Variants in PCNT observed in about 807,000 individuals in gnomAD.
The protein encoded by PCNT is pericentrin, also known as kendrin.
In PCNT, 319 loss-of-function variants were observed where a neutral mutation model predicts 380.4. The ratio of observed to expected loss-of-function variants is 0.84; its 90% CI spans 0.77 to 0.92. PCNT has a LOEUF of 0.92. Ranked by LOEUF, PCNT falls within the 40% of genes least tolerant of loss-of-function variation. The pLI is 0.00. For missense variants in PCNT, 4,400 were observed against 4,255.3 expected, an observed-to-expected ratio of 1.03 and a Z score of -0.95; for synonymous variants, 1,845 against 1,735.2, an observed-to-expected ratio of 1.06 and a Z score of -1.57.
At position 46,381,991 on chromosome 21, in the gene PCNT, A is replaced by G. The variant is rs78213973; in HGVS notation, c.3312+151A>G. ...CATTCAGTGGCGGAAGCGCATTCAC[A>G]GTGTTGTAGATTCAGTGGCGGAAGC... On this transcript the variant is annotated intron_variant, in intron 16 of 46. Coordinates refer to ENST00000359568, the MANE Select transcript of PCNT (RefSeq NM_006031.6). 0.055 allele frequency: 42,652 copies of G among 771,766 alleles called. 2,753 individuals carry two copies. Among genetic ancestry groups the G allele is most frequent in the South Asian group, 0.11 (6,500 of 58,508 alleles). The allele number at this position is 771,766 out of a possible 1,614,324, so 47.8% of individuals were successfully genotyped here.
chr21:46,356,613 GAC>G (rs903113020), intron 12 of PCNT, among the ~76,000 whole-genome samples: 4 of 152,246 alleles, frequency 2.6e-5, no homozygotes, highest in Non-Finnish European at 4.4e-5. Context: ...GACCCTGGGT[GAC>G]ACATGTGTGC....
chr21:46,410,698 G>A lies in PCNT; in HGVS notation c.5116-491G>A, dbSNP rs538592664. ...TGCCTGGTGTCACCGAGTGGCAGTG[G>A]CAGAGACGCCTCATCACCAGCGTCA... On this transcript the variant is annotated intron_variant, in intron 27 of 46. Coordinates refer to ENST00000359568, the MANE Select transcript of PCNT (RefSeq NM_006031.6). Among the ~76,000 whole-genome samples the A allele has an allele frequency of 1.1e-3, 174 of 152,324 alleles. 1 individual carries two copies. Among genetic ancestry groups the A allele is most frequent in the Admixed American group, 2.4e-3 (36 of 15,304 alleles).
chr21:46,372,365 T>C (rs1042705789), intron 15 of PCNT, among the ~76,000 whole-genome samples: 2 of 151,416 alleles, frequency 1.3e-5, no homozygotes, highest in African/African-American at 4.9e-5. Context: ...ACACAGCACA[T>C]GTTCATACAG....
At position 46,412,060 on chromosome 21, in the gene PCNT, A is replaced by C; in HGVS notation, c.5987A>C (p.Asp1996Ala). Residue 1996 changes from aspartate to alanine, a missense_variant, in exon 28 of 47, where the codon GAC (aspartate) becomes GCC (alanine). Asp to Ala is a moderately radical substitution (Grantham distance 126, BLOSUM62 -2). Coordinates refer to ENST00000359568, the MANE Select transcript of PCNT (RefSeq NM_006031.6). ...GCTGCTTTGGAGCCGGTTGTCCCTGACCCACAGGTGGGCTCCCCCCGCGGG... is the reference window on the plus strand; with the variant it reads ...GCTGCTTTGGAGCCGGTTGTCCCTGCCCCACAGGTGGGCTCCCCCCGCGGG... ...HDAALEPVVP[D>A]PQGDLQPVLV... 2 of 1,606,486 alleles carry C rather than the reference A, an allele frequency of 1.2e-6. No individual in the cohort carries two copies. The highest frequency in any genetic ancestry group is 1.7e-6 in the Non-Finnish European group (2 of 1,179,746).
Position 46,425,519 on chromosome 21 carries a change from G to A in PCNT, c.7180-312G>A, listed in dbSNP as rs1401263894. On this transcript the variant is annotated intron_variant, in intron 32 of 46. Transcript: ENST00000359568. The surrounding 1 kb of genome is among the most constrained non-coding windows in gnomAD (Gnocchi z 4.2). ...CCCTGAGCTTTGTCCAGGCTTAGGC[G>A]GGGGACGGTGTCCCCCTCAGGGAGC... is the stretch of plus-strand genomic sequence containing the variant. Among the ~76,000 whole-genome samples, 12 of 152,234 alleles carry A rather than the reference G, an allele frequency of 7.9e-5. No individual in the cohort carries two copies.
Position 46,411,844 on chromosome 21 carries a change from C to T in PCNT, c.5771C>T (p.Ala1924Val), listed in dbSNP as rs184420466. 10,802 of 1,558,970 alleles carry T rather than the reference C, an allele frequency of 6.9e-3. 48 individuals are homozygous for T. The highest frequency in any genetic ancestry group is 0.018 in the Middle Eastern group (96 of 5,250). Residue 1924 changes from alanine (A) to valine (V), a missense_variant, in exon 28 of 47, where the codon GCG (alanine) becomes GTG (valine). Transcript: ENST00000359568. ...CCTCCCGAGCTGCAGTGGCTCCGAG[C>T]GCAGTGTGCCCGCCTCAGCCGCCAG... ...AAPPELQWLR[A>V]QCARLSRQLQ... is the part of the protein sequence containing the mutation.
At chr21:46,441,112 G>C (rs760815486) in intron 43 of PCNT, 28 bp downstream of exon 43, 1 of 1,399,858 alleles carries the variant, frequency 7.1e-7, no homozygotes, top group South Asian at 1.2e-5. Context: ...CAGTCAGTGC[G>C]TTCCGCGTCT....
At chr21:46,380,094 C>A (rs979784816) in intron 15 of PCNT, among the ~76,000 whole-genome samples, 1 of 145,208 alleles carries the variant, frequency 6.9e-6, no homozygotes, top group Non-Finnish European at 1.5e-5. Context: ...GTGGGCAGTG[C>A]GGCTATTAAA....
intron 3 of PCNT, among the ~76,000 whole-genome samples, chr21:46,345,867 C>T (rs1481328245): frequency 6.6e-6 from 1 of 152,218 alleles, no homozygotes; most frequent in Non-Finnish European, 1.5e-5. Flanking sequence ...CACTCAGCCT[C>T]ACGTCTTCAG....
chr21:46,389,100 G>A lies in PCNT; in HGVS notation c.3608-99G>A, dbSNP rs994431514. ...GGCGCTGACTCATCTCGGCTGGGGC[G>A]ACGTTCTGAGTTCTGTGGCTTCCTT... is the stretch of plus-strand genomic sequence containing the variant. On this transcript the variant is annotated intron_variant, in intron 18 of 46. Coordinates refer to ENST00000359568, the MANE Select transcript of PCNT (RefSeq NM_006031.6). The A allele has an allele frequency of 4.1e-5, 55 of 1,349,352 alleles. No homozygotes were observed. The African/African-American group carries it at 5.5e-4, about 13-fold the overall frequency. 83.6% of individuals were successfully genotyped at this position (1,349,352 alleles called of 1,614,324 possible).
At chr21:46,336,528 G>A (rs1199618277) in intron 3 of PCNT, among the ~76,000 whole-genome samples, 2 of 152,218 alleles carry the variant, frequency 1.3e-5, no homozygotes, top group Admixed American at 1.3e-4. Flanking sequence ...CCTGTGTCAT[G>A]TGTTTGAAGC....
chr21:46,358,394 T>A (rs1226111986), intron 13 of PCNT, among the ~76,000 whole-genome samples: 1 of 152,230 alleles, frequency 6.6e-6, no homozygotes, highest in East Asian at 1.9e-4. Flanking sequence ...TAGGAAGCTA[T>A]GATGACCTGC....
chr21:46,362,185 C>T lies in PCNT; in HGVS notation c.2155-1295C>T, dbSNP rs543668496. 2.6e-5 allele frequency among the ~76,000 whole-genome samples: 4 copies of T among 151,930 alleles called. No homozygotes were observed. In the East Asian group the frequency reaches 5.8e-4, roughly 22 times the overall value. On this transcript the variant is annotated intron_variant, in intron 13 of 46. Transcript: ENST00000359568. ...TTGCTTGCTTTTGGAGTCTGCCCCT[C>T]GTATGTACAGATCGGGGTCAGCCTG...
intron 8 of PCNT, among the ~76,000 whole-genome samples, chr21:46,350,278 C>T (rs538601590): frequency 5.9e-5 from 9 of 152,250 alleles, no homozygotes; most frequent in Non-Finnish European, 1.0e-4. Context: ...TTAATAATTA[C>T]GTTCAATCTT....
At chr21:46,343,864 G>C (rs1344810334) in intron 3 of PCNT, among the ~76,000 whole-genome samples, 1 of 152,070 alleles carries the variant, frequency 6.6e-6, no homozygotes, top group East Asian at 1.9e-4. Context: ...TATATTTCCA[G>C]GAATTTATCC....
intron 2 of PCNT, among the ~76,000 whole-genome samples, chr21:46,329,118 A>G (rs1222010560): frequency 2.6e-5 from 4 of 152,240 alleles, no homozygotes; most frequent in Admixed American, 1.3e-4. Context: ...TATATGTGGG[A>G]ATCTCAGGAT....
chr21:46,390,917 T>C, intron 20 of PCNT, 85 bp downstream of exon 20: 2 of 1,459,702 alleles, frequency 1.4e-6, no homozygotes, highest in Non-Finnish European at 1.9e-6. Context: ...GCCTTCAGAA[T>C]AGGGTTTTTA....
chr21:46,418,646 C>CTG, intron 31 of PCNT, among the ~76,000 whole-genome samples: 1 of 152,394 alleles, frequency 6.6e-6, no homozygotes, highest in African/African-American at 2.4e-5. Flanking sequence ...AGCTCACAGG[C>CTG]TGTGTTCAGG....
chr21:46,396,795 G>A (rs890798175), intron 21 of PCNT, among the ~76,000 whole-genome samples: 1 of 152,124 alleles, frequency 6.6e-6, no homozygotes, highest in African/African-American at 2.4e-5. Flanking sequence ...TAGAGACAGG[G>A]TTTTACCATG....
Sources: gnomAD v4.1 joint callset for allele counts (sites outside exome capture counted in the v4.1 genomes callset) on GRCh38, gnomAD v4.1.1 for gene constraint, Gnocchi (gnomAD v3.1) non-coding constraint, MANE v1.5 for transcripts, NCBI Gene and HGNC (gene_info 2026-07-23, HGNC 2026-07-21) for gene names.